The following DLGAP2 variants were observed in gnomAD, a reference collection of about 807,000 sequenced individuals.
DLGAP2 encodes DLG associated protein 2, also known as disks large-associated protein 2.
A neutral mutation model predicts 100.3 loss-of-function variants in DLGAP2; 26 were observed. The observed-to-expected ratio is 0.26, with a 90% CI of 0.19 to 0.36. The LOEUF (loss-of-function observed/expected upper bound fraction) is 0.36, where lower values mean the gene tolerates loss of function less well. Ranked by LOEUF, DLGAP2 falls within the 10% of genes least tolerant of loss-of-function variation. DLGAP2 has a pLI of 1.00. For synonymous variants in DLGAP2, 886 were observed against 630.1 expected, an observed-to-expected ratio of 1.41 and a Z score of -6.08; for missense variants, 1,858 against 1,453.2, an observed-to-expected ratio of 1.28 and a Z score of -4.53.
intron 3 of DLGAP2, 96 bp from the exon 4 acceptor site, chr8:1,501,270 A>G: frequency 7.7e-7 from 1 of 1,290,622 alleles, no homozygotes; most frequent in South Asian, 1.3e-5. Context: ...GTCATGTTTG[A>G]ACTGTTGAGT....
intron 2 of DLGAP2, among the ~76,000 whole-genome samples, chr8:985,235 T>C (rs1800452342): frequency 6.6e-6 from 1 of 152,208 alleles, no homozygotes; most frequent in African/African-American, 2.4e-5. Flanking sequence ...TCCGAAGGCC[T>C]GGCTCAGCTC....
At chr8:1,102,666 G>T (rs1260369758) in intron 2 of DLGAP2, among the ~76,000 whole-genome samples, 1 of 152,210 alleles carries the variant, frequency 6.6e-6, no homozygotes, top group Non-Finnish European at 1.5e-5. Context: ...CGCCTCTGTG[G>T]CAAGGGAGCC....
chr8:882,411 T>TCCCGCGCGCAC (rs1797825197), intron 1 of DLGAP2, among the ~76,000 whole-genome samples: 1 of 78,686 alleles, frequency 1.3e-5, no homozygotes. Context: ...CGGAGGCCTC[T>TCCCGCGCGCAC]CCTGCGCGCA....
At chr8:1,426,756 T>G (rs992412516) in intron 3 of DLGAP2, among the ~76,000 whole-genome samples, 13 of 152,196 alleles carry the variant, frequency 8.5e-5, no homozygotes, top group African/African-American at 3.1e-4. Context: ...AATTATGGCT[T>G]CCACGTCTTG....
rs150461910 is a variant in DLGAP2 at position 1,672,228 on chromosome 8, AT to A, written c.2202+2460del. Among the ~76,000 whole-genome samples the A allele has an allele frequency of 8.9e-3, 1,196 of 134,470 alleles. 9 individuals are homozygous for A. The highest frequency in any genetic ancestry group is 0.023 in the South Asian group (97 of 4,218). 88.2% of individuals were successfully genotyped at this position (134,470 alleles called of 152,430 possible). ...TTTTTGTTGTTGTTTTTTATTTTTA[AT>A]TTTTTTTTTTTTTTTGAGATGGAGT... On this transcript the variant is annotated intron_variant, in intron 10 of 14. Transcript: ENST00000637795.
At chr8:1,532,885 TA>T (rs1801030282) in intron 4 of DLGAP2, among the ~76,000 whole-genome samples, 1 of 152,188 alleles carries the variant, frequency 6.6e-6, no homozygotes, top group South Asian at 2.1e-4. Context: ...CCTAACTTTT[TA>T]AAGTCCTCAT....
chr8:866,434 C>T (rs1026681271), intron 1 of DLGAP2, among the ~76,000 whole-genome samples: 1 of 152,208 alleles, frequency 6.6e-6, no homozygotes, highest in Non-Finnish European at 1.5e-5. Context: ...GGCAGCATCT[C>T]CTCAGGCCTG....
chr8:1,514,281 T>G (rs1334276937), intron 4 of DLGAP2, among the ~76,000 whole-genome samples: 2 of 152,258 alleles, frequency 1.3e-5, no homozygotes, highest in African/African-American at 4.8e-5. Flanking sequence ...CTTATGCGAC[T>G]ATTCCCAGAA....
At chr8:1,586,134 T>G (rs191305943) in intron 6 of DLGAP2, among the ~76,000 whole-genome samples, 1 of 152,368 alleles carries the variant, frequency 6.6e-6, no homozygotes, top group East Asian at 1.9e-4. Context: ...CAACACGGGT[T>G]TCTCTGGGCT....
intron 3 of DLGAP2, among the ~76,000 whole-genome samples, chr8:1,294,276 G>T (rs1427866129): frequency 6.6e-6 from 1 of 152,148 alleles, no homozygotes; most frequent in Non-Finnish European, 1.5e-5. Flanking sequence ...ATTATACTTG[G>T]GCTGGTAAAC....
At chr8:1,580,191 C>A (rs1316563262) in intron 6 of DLGAP2, among the ~76,000 whole-genome samples, 2 of 152,164 alleles carry the variant, frequency 1.3e-5, no homozygotes, top group Non-Finnish European at 2.9e-5. Flanking sequence ...CCTTCAAACT[C>A]TCAGAGAAAA....
chr8:1,300,911 A>G (rs893088103), intron 3 of DLGAP2: 2 of 152,180 alleles, frequency 1.3e-5, no homozygotes, highest in African/African-American at 4.8e-5. Context: ...GATAAACCCT[A>G]CAGCCTGCTG....
intron 2 of DLGAP2, among the ~76,000 whole-genome samples, chr8:1,235,497 C>T (rs1309384696): frequency 6.6e-6 from 1 of 150,556 alleles, no homozygotes; most frequent in Non-Finnish European, 1.5e-5. Flanking sequence ...TCACACATAG[C>T]GTCATGTCTA....
At chr8:1,302,357 C>T (rs969704437) in intron 3 of DLGAP2, 4 of 102,374 alleles carry the variant, frequency 3.9e-5, no homozygotes, top group Non-Finnish European at 7.4e-5. Flanking sequence ...TCGGAATTTT[C>T]TGTGAGTTCC....
chr8:1,229,720 C>G (rs1798494560), intron 2 of DLGAP2, among the ~76,000 whole-genome samples: 2 of 152,268 alleles, frequency 1.3e-5, no homozygotes, highest in African/African-American at 4.8e-5. Context: ...TCAGTGCACA[C>G]AAATCAATAA....
At chr8:1,636,909 G>C (rs1340005588) in intron 8 of DLGAP2, among the ~76,000 whole-genome samples, 1 of 152,240 alleles carries the variant, frequency 6.6e-6, no homozygotes, top group Non-Finnish European at 1.5e-5. Context: ...GAGTAAAGGT[G>C]ATTTGAAATC....
chr8:1,497,232 T>C (rs1799574988), intron 3 of DLGAP2, among the ~76,000 whole-genome samples: 1 of 152,182 alleles, frequency 6.6e-6, no homozygotes, highest in African/African-American at 2.4e-5. Context: ...ACGTTTTGTT[T>C]TGGCGATGGA....
At chr8:1,426,170 C>T (rs138906377) in intron 3 of DLGAP2, among the ~76,000 whole-genome samples, 1 of 152,258 alleles carries the variant, frequency 6.6e-6, no homozygotes, top group African/African-American at 2.4e-5. Context: ...TGCAGCAGGA[C>T]AACTGTGAAC....
chr8:1,246,080 G>A (rs1048908309), intron 2 of DLGAP2, among the ~76,000 whole-genome samples: 2 of 152,202 alleles, frequency 1.3e-5, no homozygotes, highest in African/African-American at 2.4e-5. Context: ...TTAATACAGA[G>A]TAAGCCATTT....
Sources: allele counts gnomAD v4.1 joint callset (sites outside exome capture counted in the v4.1 genomes callset), GRCh38; gene constraint gnomAD v4.1.1; transcripts MANE v1.5; gene names NCBI Gene and HGNC (gene_info 2026-07-23, HGNC 2026-07-21).